Variants in ATRNL1 observed in about 807,000 individuals in gnomAD.
ATRNL1 encodes attractin-like protein 1.
ATRNL1 carries 95 observed loss-of-function variants against 182.7 expected under a neutral mutation model. That is an observed-to-expected ratio of 0.52 (90% confidence interval 0.44 to 0.62). The LOEUF (loss-of-function observed/expected upper bound fraction) is 0.62. Ranked by LOEUF, ATRNL1 falls within the 20% of genes least tolerant of loss-of-function variation. The probability of loss-of-function intolerance (pLI) is 0.00; values close to 1 mark genes in which losing one functional copy is unlikely to be tolerated. For missense variants in ATRNL1, 1,471 were observed against 1,679.5 expected, an observed-to-expected ratio of 0.88 and a Z score of 2.17; for synonymous variants, 576 against 568.3, an observed-to-expected ratio of 1.01 and a Z score of -0.19.
chr10:115,866,410 T>A (rs371698311), intron 28 of ATRNL1, among the ~76,000 whole-genome samples: 1 of 152,236 alleles, frequency 6.6e-6, no homozygotes, highest in South Asian at 2.1e-4. Context: ...ATTTATCAGG[T>A]ACTTACTGTG....
intron 24 of ATRNL1, among the ~76,000 whole-genome samples, chr10:115,493,966 T>A (rs1409907431): frequency 6.6e-6 from 1 of 152,152 alleles, no homozygotes; most frequent in African/African-American, 2.4e-5. Flanking sequence ...GGGGTTATGT[T>A]TTTTTTGGTT....
chr10:115,456,970 C>T (rs1229318936), intron 21 of ATRNL1, among the ~76,000 whole-genome samples: 1 of 152,048 alleles, frequency 6.6e-6, no homozygotes, highest in Non-Finnish European at 1.5e-5. Flanking sequence ...TTTTTGCTCC[C>T]ATTGTTCAGC....
At chr10:115,797,550 G>A (rs1555083288) in intron 27 of ATRNL1, among the ~76,000 whole-genome samples, 1 of 151,810 alleles carries the variant, frequency 6.6e-6, no homozygotes, top group Non-Finnish European at 1.5e-5. Flanking sequence ...GAACAAAACA[G>A]ACAAAAAGTC....
At chr10:115,281,557 T>C (rs761317601) in intron 14 of ATRNL1, 70 bp downstream of exon 14, 288 of 1,436,114 alleles carry the variant, frequency 2.0e-4, no homozygotes, top group Non-Finnish European at 2.6e-4. Context: ...AAAGTACATT[T>C]AGTAAGGACA....
chr10:115,364,671 C>G (rs1294719100), intron 19 of ATRNL1, among the ~76,000 whole-genome samples: 2 of 150,984 alleles, frequency 1.3e-5, no homozygotes, highest in Non-Finnish European at 2.9e-5. Flanking sequence ...ATAGATAGCT[C>G]TTATTATTTT....
chr10:115,198,265 A>C (rs1848434682), intron 8 of ATRNL1, among the ~76,000 whole-genome samples: 1 of 152,088 alleles, frequency 6.6e-6, no homozygotes, highest in Non-Finnish European at 1.5e-5. Flanking sequence ...GATGGTGAGT[A>C]ATGTTGAACA....
At chr10:115,135,001 ACT>A (rs1564763170) in intron 5 of ATRNL1, among the ~76,000 whole-genome samples, 2 of 151,848 alleles carry the variant, frequency 1.3e-5, no homozygotes, top group Non-Finnish European at 2.9e-5. Flanking sequence ...CATGCTAAAA[ACT>A]CTCAATAAAT....
chr10:115,465,194 T>G (rs1444613135), intron 22 of ATRNL1, among the ~76,000 whole-genome samples: 1 of 151,694 alleles, frequency 6.6e-6, no homozygotes, highest in African/African-American at 2.4e-5. Context: ...TTTCATTGCT[T>G]CATGAAAATG....
intron 28 of ATRNL1, among the ~76,000 whole-genome samples, chr10:115,915,428 C>A (rs1320849671): frequency 2.0e-5 from 3 of 151,714 alleles, no homozygotes; most frequent in Non-Finnish European, 2.9e-5. Context: ...TTGACAGTTA[C>A]AATGAAGCCA....
intron 21 of ATRNL1, among the ~76,000 whole-genome samples, chr10:115,457,123 G>C (rs1847562467): frequency 2.0e-5 from 3 of 152,012 alleles, no homozygotes; most frequent in Non-Finnish European, 1.5e-5. Context: ...TAAGGTACGT[G>C]GACACCGGAG....
intron 10 of ATRNL1, among the ~76,000 whole-genome samples, chr10:115,247,381 T>G (rs1412626599): frequency 1.3e-5 from 2 of 152,162 alleles, no homozygotes; most frequent in Non-Finnish European, 2.9e-5. Context: ...TCTCAACAGA[T>G]ATTTCTCAAA....
In ATRNL1 at chr10:115,282,158, A is replaced by G. The variant is rs548242101; in HGVS notation, c.2233+671A>G. Among the ~76,000 whole-genome samples the G allele has an allele frequency of 7.7e-4, 113 of 146,536 alleles. 3 individuals are homozygous for G. The South Asian group carries it at 0.023, about 30-fold the overall frequency. ...TAAACCATAAATTTATATATTTATT[A>G]TATTACATTTATAATATATAATATA... On this transcript the variant is annotated intron_variant, in intron 14 of 28. Transcript: ENST00000355044.
chr10:115,493,475 A>G (rs1330021464), intron 24 of ATRNL1, among the ~76,000 whole-genome samples: 1 of 152,186 alleles, frequency 6.6e-6, no homozygotes, highest in African/African-American at 2.4e-5. Flanking sequence ...ATAGTATTCT[A>G]TAGTGTATAC....
At chr10:115,312,804 T>A (rs1414831205) in intron 17 of ATRNL1, among the ~76,000 whole-genome samples, 2 of 152,128 alleles carry the variant, frequency 1.3e-5, no homozygotes, top group African/African-American at 2.4e-5. Context: ...GTTCCTTTTT[T>A]AAATTATTTT....
At chr10:115,236,885 C>T (rs1393838871) in intron 9 of ATRNL1, among the ~76,000 whole-genome samples, 1 of 152,084 alleles carries the variant, frequency 6.6e-6, no homozygotes, top group Non-Finnish European at 1.5e-5. Flanking sequence ...CTAAAAATAA[C>T]CTGTGATCCT....
At chr10:115,097,024 G>A (rs890389208) in intron 1 of ATRNL1, among the ~76,000 whole-genome samples, 1 of 152,012 alleles carries the variant, frequency 6.6e-6, no homozygotes, top group African/African-American at 2.4e-5. Context: ...TTTGAATGAC[G>A]TTCTCTTTTA....
chr10:115,661,848 G>A (rs1022866726), intron 26 of ATRNL1, among the ~76,000 whole-genome samples: 8 of 151,974 alleles, frequency 5.3e-5, no homozygotes, highest in Non-Finnish European at 8.8e-5. Context: ...GTATACCTGT[G>A]CCAGGTTGGT....
chr10:115,206,520 C>A (rs1280265411), intron 8 of ATRNL1, among the ~76,000 whole-genome samples: 1 of 151,920 alleles, frequency 6.6e-6, no homozygotes, highest in Non-Finnish European at 1.5e-5. Context: ...GAGCTAATAT[C>A]ATATCTATAT....
chr10:115,622,029 A>G (rs781788112), intron 26 of ATRNL1, among the ~76,000 whole-genome samples: 11 of 152,208 alleles, frequency 7.2e-5, no homozygotes, highest in Non-Finnish European at 1.5e-4. Context: ...CAGAGGGCTC[A>G]GGTGACTGCT....
Sources: allele counts gnomAD v4.1 joint callset (sites outside exome capture counted in the v4.1 genomes callset), GRCh38; gene constraint gnomAD v4.1.1; transcripts MANE v1.5; gene names NCBI Gene and HGNC (gene_info 2026-07-23, HGNC 2026-07-21).